The following DLG1 variants were observed in gnomAD, a reference collection of about 807,000 sequenced individuals.
The protein encoded by DLG1 is discs large MAGUK scaffold protein 1.
In DLG1, 42 loss-of-function variants were observed where a neutral mutation model predicts 123.4. The ratio of observed to expected loss-of-function variants is 0.34; its 90% CI spans 0.27 to 0.44. DLG1 has a LOEUF of 0.44. DLG1 is among the 20% of genes least tolerant of loss of function. The pLI is 1.00. For missense variants in DLG1, 942 were observed against 1,082.6 expected (o/e 0.87, Z 1.82); for synonymous variants, 317 against 356.2 (o/e 0.89, Z 1.24).
intron 14 of DLG1, among the ~76,000 whole-genome samples, chr3:197,101,148 G>T (rs1763221031): frequency 6.6e-6 from 1 of 152,124 alleles, no homozygotes; most frequent in South Asian, 2.1e-4. Context: ...ACATACAAGG[G>T]TGGAGGAAAA....
intron 4 of DLG1, among the ~76,000 whole-genome samples, chr3:197,222,124 G>A (rs1216316191): frequency 6.6e-6 from 1 of 152,176 alleles, no homozygotes; most frequent in African/African-American, 2.4e-5. Flanking sequence ...ACAGTCGGTT[G>A]AATCCACAGA....
intron 19 of DLG1, chr3:197,068,487 A>G (rs762394712): frequency 6.5e-7 from 1 of 1,544,258 alleles, no homozygotes; most frequent in South Asian, 1.1e-5. Context: ...AGGGACTGAT[A>G]TTAACAGGAT....
chr3:197,180,067 T>G (rs866219586), intron 5 of DLG1, among the ~76,000 whole-genome samples: 1,701 of 87,650 alleles, frequency 0.019, 30 homozygotes, highest in African/African-American at 0.044. Flanking sequence ...GTTTTTTTTT[T>G]GGGGGGGGGG....
intron 10 of DLG1, 41 bp downstream of exon 10, chr3:197,136,501 C>A: frequency 6.5e-7 from 1 of 1,548,784 alleles, no homozygotes; most frequent in Non-Finnish European, 8.8e-7. Context: ...AATAAACAGA[C>A]TACAAAATGA....
rs1304509481 is a variant in DLG1, at chr3:197,298,469, C to T, written c.-32+67G>A. 1.0e-5 allele frequency: 4 copies of T among 398,786 alleles called. No individual in the cohort carries two copies. The Admixed American group carries it at 1.8e-4, about 18-fold the overall frequency. The allele number at this position is 398,786 out of a possible 1,614,324, so 24.7% of individuals were successfully genotyped here. Reference sequence around the variant, plus strand: ...GCAGTTCCGAACTAAACGCGCCAGGCCGGGAAGGCTCGGGCTGTCTGAAGA... The same window carrying T: ...GCAGTTCCGAACTAAACGCGCCAGGTCGGGAAGGCTCGGGCTGTCTGAAGA... On this transcript the variant is annotated intron_variant, in intron 1 of 24. Coordinates refer to ENST00000667157, the MANE Select transcript of DLG1 (RefSeq NM_001366207.1).
chr3:197,192,786 G>GT (rs1413347653), intron 5 of DLG1, among the ~76,000 whole-genome samples: 6 of 151,946 alleles, frequency 3.9e-5, no homozygotes, highest in Non-Finnish European at 1.5e-5. Flanking sequence ...CAAGATAATT[G>GT]TTTTTTTAAG....
At chr3:197,161,923 A>AC in intron 5 of DLG1, among the ~76,000 whole-genome samples, 1 of 152,188 alleles carries the variant, frequency 6.6e-6, no homozygotes, top group Non-Finnish European at 1.5e-5. Flanking sequence ...AGAAAGTTAT[A>AC]CCCCCATAAT....
intron 4 of DLG1, among the ~76,000 whole-genome samples, chr3:197,250,479 G>C (rs1753832923): frequency 6.6e-6 from 1 of 151,300 alleles, no homozygotes; most frequent in Non-Finnish European, 1.5e-5. Flanking sequence ...TGAGGCAGGG[G>C]AATCAGTTGA....
chr3:197,267,283 A>G (rs2151009872), intron 4 of DLG1, among the ~76,000 whole-genome samples: 1 of 152,374 alleles, frequency 6.6e-6, no homozygotes, highest in Middle Eastern at 3.4e-3. Context: ...AAAGCAGAGT[A>G]GAGAGTAGCA....
In DLG1 at chr3:197,082,042, T is replaced by C. The variant is rs1351696516; in HGVS notation, c.1839-925A>G. On this transcript the variant is annotated intron_variant, in intron 16 of 24. Transcript: ENST00000667157. ...CCTTATTATCTATTTAGTTTTACTA[T>C]GGGTACAGCAGGACCTTAGCATTCA... is the stretch of plus-strand genomic sequence containing the variant. 3.9e-5 allele frequency among the ~76,000 whole-genome samples: 6 copies of C among 152,226 alleles called. No homozygotes were observed. The East Asian group carries it at 5.8e-4, about 15-fold the overall frequency.
chr3:197,289,353 C>A (rs1299994523), intron 3 of DLG1, among the ~76,000 whole-genome samples: 1 of 152,110 alleles, frequency 6.6e-6, no homozygotes, highest in Non-Finnish European at 1.5e-5. Flanking sequence ...CACACACACA[C>A]ACACACACAC....
intron 4 of DLG1, among the ~76,000 whole-genome samples, chr3:197,245,039 A>C (rs1750929993): frequency 1.3e-5 from 2 of 152,214 alleles, no homozygotes; most frequent in African/African-American, 4.8e-5. Context: ...TCGGACCTTT[A>C]ATAAGGCAAT....
intron 5 of DLG1, among the ~76,000 whole-genome samples, chr3:197,193,353 A>G (rs1017327705): frequency 6.6e-6 from 1 of 152,202 alleles, no homozygotes; most frequent in Non-Finnish European, 1.5e-5. Flanking sequence ...AATGCCAAAA[A>G]TAAGAATACC....
intron 3 of DLG1, among the ~76,000 whole-genome samples, chr3:197,288,797 T>C (rs1399392893): frequency 2.1e-5 from 3 of 144,496 alleles, no homozygotes; most frequent in South Asian, 4.5e-4. Flanking sequence ...TCTACTGACA[T>C]GGAAAGACAT....
chr3:197,247,485 G>A (rs1752320330), intron 4 of DLG1, among the ~76,000 whole-genome samples: 1 of 152,050 alleles, frequency 6.6e-6, no homozygotes, highest in Non-Finnish European at 1.5e-5. Context: ...AGGGGGTAAA[G>A]GAGGACAGGT....
chr3:197,213,698 T>C (rs1732487016), intron 4 of DLG1, among the ~76,000 whole-genome samples: 1 of 152,138 alleles, frequency 6.6e-6, no homozygotes, highest in Non-Finnish European at 1.5e-5. Context: ...TGAAGAAAAC[T>C]TCAAAATGCT....
intron 6 of DLG1, among the ~76,000 whole-genome samples, chr3:197,144,296 T>A (rs1789553749): frequency 6.6e-6 from 1 of 152,132 alleles, no homozygotes; most frequent in Admixed American, 6.5e-5. Context: ...ACCCAGCAGC[T>A]ATAACATGAG....
chr3:197,141,561 T>C (rs1788012934), intron 7 of DLG1, among the ~76,000 whole-genome samples: 1 of 152,188 alleles, frequency 6.6e-6, no homozygotes, highest in African/African-American at 2.4e-5. Context: ...TCAGATTCTA[T>C]TCCAATATAA....
chr3:197,253,099 C>T (rs1384770916), intron 4 of DLG1, among the ~76,000 whole-genome samples: 2 of 151,962 alleles, frequency 1.3e-5, no homozygotes, highest in Non-Finnish European at 2.9e-5. Context: ...TTTTGTTCCA[C>T]GAAAGATCCT....
Sources: gnomAD v4.1 joint callset for allele counts (sites outside exome capture counted in the v4.1 genomes callset) on GRCh38, gnomAD v4.1.1 for gene constraint, MANE v1.5 for transcripts, NCBI Gene and HGNC (gene_info 2026-07-23, HGNC 2026-07-21) for gene names.